ZZEF1: variants seen among roughly 807,000 people sequenced by gnomAD.
ZZEF1 encodes the protein zinc finger ZZ-type and EF-hand domain containing 1.
ZZEF1 carries 157 observed loss-of-function variants against 342.8 expected under a neutral mutation model. The observed-to-expected ratio is 0.46, with a 90% CI of 0.40 to 0.52. The LOEUF is 0.52. ZZEF1 is among the 20% of genes least tolerant of loss of function. The pLI is 0.00. For synonymous variants in ZZEF1, 1,505 were observed against 1,429.1 expected (o/e 1.05, Z -1.20); for missense variants, 3,480 against 3,725.6 (o/e 0.93, Z 1.72).
intron 2 of ZZEF1, among the ~76,000 whole-genome samples, chr17:4,123,183 G>A (rs2058512552): frequency 6.7e-6 from 1 of 148,904 alleles, no homozygotes; most frequent in Non-Finnish European, 1.5e-5. Context: ...GCCTCCCAAA[G>A]TGCTGGGATT....
Position 4,084,341 on chromosome 17 carries a change from T to A in ZZEF1, c.2646+1329A>T, listed in dbSNP as rs541372413. On this transcript the variant is annotated intron_variant, in intron 16 of 54. Transcript: ENST00000381638. The stretch of plus-strand genomic sequence containing the variant: ...ATTCCATTTACATATTTTCTACTGC[T>A]GAACCATCACTGGATTTCCAGCATA... 5.3e-5 allele frequency among the ~76,000 whole-genome samples: 8 copies of A among 152,366 alleles called. No homozygotes were observed. The South Asian group carries it at 1.4e-3, about 28-fold the overall frequency.
chr17:4,017,860 T>G lies in ZZEF1; in HGVS notation c.7617A>C (p.Thr2539=). 6.2e-7 allele frequency: 1 copy of G among 1,614,208 alleles called. No individual in the cohort carries two copies. The highest frequency in any genetic ancestry group is 8.5e-7 in the Non-Finnish European group (1 of 1,180,038). The part of the protein sequence containing the change: ...LEEQSAKAVD[T]DMIILPCLSR... ...CCAAGCATGGCAGGATAATCATGTC[T>G]GTATCCACAGCTTTGGCGCTCTGTT... Residue 2539 remains threonine, a synonymous_variant, in exon 47 of 55, where the codon ACA becomes ACC. Coordinates refer to ENST00000381638, the MANE Select transcript of ZZEF1 (RefSeq NM_015113.4). This position sits in a 1 kb window ranked among gnomAD's most constrained non-coding sequence, Gnocchi z 5.1.
Position 4,006,549 on chromosome 17 carries a change from C to T in ZZEF1, c.*341G>A, listed in dbSNP as rs932297898. 3.0e-6 allele frequency: 1 copy of T among 337,622 alleles called. No individual in the cohort carries two copies. The highest frequency in any genetic ancestry group is 5.6e-6 in the Non-Finnish European group (1 of 178,176). 20.9% of individuals were successfully genotyped at this position (337,622 alleles called of 1,614,324 possible). A position where few individuals can be genotyped will look rare whatever the true frequency, so the allele number is the denominator to read the frequency against. ...AGTTCCAGCTCCACGGAGACAGAAACCAGTTGAGAGAGGCCGCTTCCAAGT... is the reference window on the plus strand; with the variant it reads ...AGTTCCAGCTCCACGGAGACAGAAATCAGTTGAGAGAGGCCGCTTCCAAGT... On this transcript the variant is annotated 3_prime_UTR_variant, in exon 55 of 55. Transcript: ENST00000381638.
intron 42 of ZZEF1, among the ~76,000 whole-genome samples, chr17:4,028,180 C>A (rs1182572245): frequency 6.6e-6 from 1 of 152,174 alleles, no homozygotes; most frequent in Non-Finnish European, 1.5e-5. Context: ...TTTTCCACTC[C>A]ATTCTTTGTG....
At chr17:4,083,605 G>C (rs1004512891) in intron 16 of ZZEF1, among the ~76,000 whole-genome samples, 2 of 149,116 alleles carry the variant, frequency 1.3e-5, no homozygotes, top group Non-Finnish European at 3.0e-5. Flanking sequence ...GCTGCCCTTT[G>C]TCATCAGGGA....
chr17:4,140,973 A>G (rs2058835731), intron 1 of ZZEF1, among the ~76,000 whole-genome samples: 1 of 148,778 alleles, frequency 6.7e-6, no homozygotes, highest in Non-Finnish European at 1.5e-5. Flanking sequence ...CAGTGGCGTG[A>G]TCTCAGCTCA....
At position 4,098,549 on chromosome 17, in the gene ZZEF1, C is replaced by A. The variant is rs370188770; in HGVS notation, c.1673-1849G>T. Among the ~76,000 whole-genome samples the A allele has an allele frequency of 2.6e-5, 4 of 152,276 alleles. No homozygotes were observed. The East Asian group carries it at 7.7e-4, about 29-fold the overall frequency. ...ATCCTTTAACAACTCATGAAAAAGT[C>A]TTCTGCTAGACCCAAGGTTGCCTTT... On this transcript the variant is annotated intron_variant, in intron 9 of 54. Transcript: ENST00000381638.
intron 1 of ZZEF1, among the ~76,000 whole-genome samples, chr17:4,124,528 C>T (rs2058542526): frequency 1.3e-5 from 2 of 152,174 alleles, no homozygotes; most frequent in Admixed American, 6.5e-5. Context: ...GTGCAACCTC[C>T]GCCTCCCGGG....
intron 52 of ZZEF1, among the ~76,000 whole-genome samples, chr17:4,011,768 A>G (rs1032900675): frequency 4.6e-5 from 7 of 152,154 alleles, no homozygotes; most frequent in Admixed American, 1.3e-4. Context: ...GTTATCTTGA[A>G]GCCAATCTCT....
chr17:4,043,076 A>G (rs2056836761), intron 38 of ZZEF1, among the ~76,000 whole-genome samples: 2 of 152,086 alleles, frequency 1.3e-5, no homozygotes, highest in African/African-American at 4.8e-5. Flanking sequence ...TAAATGAAAG[A>G]CTGTCCTCCC....
intron 39 of ZZEF1, 148 bp from the exon 40 acceptor site, chr17:4,034,440 C>T (rs1471288284): frequency 2.8e-5 from 21 of 745,594 alleles, no homozygotes; most frequent in Middle Eastern, 7.4e-4. Flanking sequence ...TATGTATAAT[C>T]ACTTACAAAA....
intron 1 of ZZEF1, among the ~76,000 whole-genome samples, chr17:4,136,079 C>T (rs2058742750): frequency 1.4e-5 from 2 of 140,976 alleles, no homozygotes; most frequent in Non-Finnish European, 3.0e-5. Context: ...TGCAACCTGT[C>T]GCCCAGGTTC....
In ZZEF1 at chr17:4,014,205, C is replaced by T. The variant is rs1453708052; in HGVS notation, c.8315-17G>A. On this transcript the variant is annotated splice_polypyrimidine_tract_variant and intron_variant, in intron 50 of 54. Transcript: ENST00000381638. The surrounding 1 kb of genome is among the most constrained non-coding windows in gnomAD (Gnocchi z 4.4). ...GAGTGTCTCCTAGGCACACAAGGAT[C>T]AGAGGCCCATCAGGAACTGAAGCAA... 2.5e-6 allele frequency: 4 copies of T among 1,613,910 alleles called. No individual in the cohort carries two copies. In the South Asian group the frequency reaches 4.4e-5, roughly 18 times the overall value.
In ZZEF1 at chr17:4,142,779, G is replaced by A. The variant is rs2058888128; in HGVS notation, c.117C>T (p.Val39=). ...CGGCGGGTGGTAGCGCTGGAGCCGC[G>A]ACGCCCGGGCCGGGGGTCGTGCCCG... ...AVSGTTPGPG[V]AAPALPPAAA... Residue 39 remains valine (V), a synonymous_variant, in exon 1 of 55, where the codon GTC becomes GTT. Coordinates refer to ENST00000381638, the MANE Select transcript of ZZEF1 (RefSeq NM_015113.4). The A allele has an allele frequency of 1.8e-5, 26 of 1,427,670 alleles. No individual in the cohort carries two copies. The highest frequency in any genetic ancestry group is 3.4e-5 in the Admixed American group (1 of 29,576). 88.4% of individuals were successfully genotyped at this position (1,427,670 alleles called of 1,614,324 possible).
At chr17:4,100,077 C>G (rs2058102044) in intron 9 of ZZEF1, among the ~76,000 whole-genome samples, 1 of 152,160 alleles carries the variant, frequency 6.6e-6, no homozygotes, top group Non-Finnish European at 1.5e-5. Context: ...TTTGAGTTCT[C>G]TGGGCATTCT....
At chr17:4,057,727 G>A (rs750502781) in intron 32 of ZZEF1, among the ~76,000 whole-genome samples, 19 of 152,172 alleles carry the variant, frequency 1.2e-4, no homozygotes, top group Non-Finnish European at 2.4e-4. Flanking sequence ...GCCAGACGCG[G>A]TTCTAAACAC....
chr17:4,013,981 G>A, intron 51 of ZZEF1, 109 bp downstream of exon 51: 1 of 1,060,994 alleles, frequency 9.4e-7, no homozygotes, highest in Non-Finnish European at 1.4e-6. Flanking sequence ...AAGTGTGAGA[G>A]ACAAGTACCT....
chr17:4,044,621 C>T (rs1000781014), intron 37 of ZZEF1, among the ~76,000 whole-genome samples: 8 of 151,900 alleles, frequency 5.3e-5, no homozygotes, highest in African/African-American at 9.7e-5. Flanking sequence ...CAGGTTCAAG[C>T]GATCCTCCTG....
At chr17:4,073,893 G>A (rs2057557537) in intron 24 of ZZEF1, among the ~76,000 whole-genome samples, 1 of 151,506 alleles carries the variant, frequency 6.6e-6, no homozygotes, top group African/African-American at 2.4e-5. Context: ...AAATGACAAT[G>A]TTGCCAAAAA....
Sources: allele counts gnomAD v4.1 joint callset (sites outside exome capture counted in the v4.1 genomes callset), GRCh38; gene constraint gnomAD v4.1.1; non-coding constraint Gnocchi (gnomAD v3.1); transcripts MANE v1.5; gene names NCBI Gene and HGNC (gene_info 2026-07-23, HGNC 2026-07-21).